Variants in MOB3B observed in about 807,000 individuals in gnomAD.
The protein encoded by MOB3B is MOB kinase activator 3B.
Under a neutral mutation model 18.7 loss-of-function variants are expected in MOB3B, and 7 were observed. The ratio of observed to expected loss-of-function variants is 0.37; its 90% confidence interval spans 0.21 to 0.70. The LOEUF (loss-of-function observed/expected upper bound fraction) is 0.70, where lower values mean the gene tolerates loss of function less well. Ranked by LOEUF, MOB3B falls within the 30% of genes least tolerant of loss-of-function variation. The pLI, the probability that MOB3B is intolerant of heterozygous loss-of-function variation, is 0.52. For missense variants in MOB3B, 253 were observed against 281.3 expected, an observed-to-expected ratio of 0.90 and a Z score of 0.72; for synonymous variants, 111 against 99.9, an observed-to-expected ratio of 1.11 and a Z score of -0.66.
chr9:27,326,709 C>A lies in MOB3B; in HGVS notation c.*3878G>T, dbSNP rs1174138968. On this transcript the variant is annotated 3_prime_UTR_variant, in exon 4 of 4. Coordinates refer to ENST00000262244, the MANE Select transcript of MOB3B (RefSeq NM_024761.5). ...CTGGGTCTTTGGAAATGAGAAAATA[C>A]CCAGGGAAGAGAAAACGAACAATTT... 1 of 397,164 alleles carries A rather than the reference C, an allele frequency of 2.5e-6. No individual in the cohort carries two copies. Among genetic ancestry groups the A allele is most frequent in the African/African-American group, 2.1e-5 (1 of 48,572 alleles). The allele number at this position is 397,164 out of a possible 1,614,324, so 24.6% of individuals were successfully genotyped here.
At chr9:27,369,701 C>G (rs527658674) in intron 2 of MOB3B, among the ~76,000 whole-genome samples, 1 of 152,346 alleles carries the variant, frequency 6.6e-6, no homozygotes, top group African/African-American at 2.4e-5. Flanking sequence ...AGCTACGATC[C>G]TCTTTCTCAC....
chr9:27,468,052 G>C (rs923687133), intron 1 of MOB3B, among the ~76,000 whole-genome samples: 1 of 152,182 alleles, frequency 6.6e-6, no homozygotes. Flanking sequence ...TGTTAGCAGA[G>C]ACTCTTCGTG....
intron 3 of MOB3B, among the ~76,000 whole-genome samples, chr9:27,338,718 C>T (rs1031321004): frequency 5.9e-5 from 9 of 152,206 alleles, no homozygotes; most frequent in African/African-American, 7.2e-5. Flanking sequence ...GTGTCGCTGT[C>T]GGGACCACAG....
chr9:27,450,654 C>G (rs1822769439), intron 2 of MOB3B, among the ~76,000 whole-genome samples: 1 of 152,166 alleles, frequency 6.6e-6, no homozygotes, highest in Non-Finnish European at 1.5e-5. Context: ...GAAGGGGAAT[C>G]TGTGAAATAA....
chr9:27,470,500 G>C (rs369379884), intron 1 of MOB3B, among the ~76,000 whole-genome samples: 1 of 152,118 alleles, frequency 6.6e-6, no homozygotes, highest in Non-Finnish European at 1.5e-5. Context: ...GCCTCCAGGC[G>C]ACTTCTCCCT....
intron 1 of MOB3B, among the ~76,000 whole-genome samples, chr9:27,479,101 A>G (rs1201600113): frequency 6.6e-6 from 1 of 152,170 alleles, no homozygotes; most frequent in East Asian, 1.9e-4. Context: ...CGCTGCTATA[A>G]CAGAATAACA....
At chr9:27,529,511 C>G (rs980234591) in intron 1 of MOB3B, 44 bp downstream of exon 1, 1 of 976,686 alleles carries the variant, frequency 1.0e-6, no homozygotes, top group South Asian at 4.7e-5. Flanking sequence ...GAGCAGCCAC[C>G]GGGCTGCGCC....
Position 27,427,686 on chromosome 9 carries a change from C to A in MOB3B, c.418+27447G>T, listed in dbSNP as rs116718257. ...ATAAAGATTCTATTCATATTTTTTG[C>A]CTTGTCTTTGATCTAGTTGGAATCT... is the stretch of plus-strand genomic sequence containing the variant. On this transcript the variant is annotated intron_variant, in intron 2 of 3. Transcript: ENST00000262244. Among the ~76,000 whole-genome samples the A allele has an allele frequency of 1.6e-3, 236 of 152,054 alleles. 2 individuals are homozygous for A. The highest frequency in any genetic ancestry group is 5.4e-3 in the African/African-American group (223 of 41,474).
chr9:27,446,215 T>C (rs1340277063), intron 2 of MOB3B, among the ~76,000 whole-genome samples: 1 of 135,126 alleles, frequency 7.4e-6, no homozygotes, highest in African/African-American at 2.9e-5. Flanking sequence ...TTCAACTGCC[T>C]CCCAATTTTT....
chr9:27,345,571 G>A (rs747925986), intron 3 of MOB3B, among the ~76,000 whole-genome samples: 1 of 152,100 alleles, frequency 6.6e-6, no homozygotes, highest in Non-Finnish European at 1.5e-5. Flanking sequence ...TGCCCCCACA[G>A]CTTCCTATTT....
intron 1 of MOB3B, among the ~76,000 whole-genome samples, chr9:27,501,398 A>G (rs1819989323): frequency 1.3e-5 from 2 of 152,144 alleles, no homozygotes; most frequent in African/African-American, 4.8e-5. Context: ...TGGCACATAC[A>G]TACCATGGAA....
chr9:27,507,858 T>C (rs970082760), intron 1 of MOB3B, among the ~76,000 whole-genome samples: 1 of 152,260 alleles, frequency 6.6e-6, no homozygotes, highest in African/African-American at 2.4e-5. Context: ...CTTTCATCTC[T>C]GAAGTGATTC....
intron 2 of MOB3B, among the ~76,000 whole-genome samples, chr9:27,394,815 A>G (rs1821777360): frequency 6.6e-6 from 1 of 152,254 alleles, no homozygotes; most frequent in African/African-American, 2.4e-5. Context: ...AAAAATTAGT[A>G]AAACATAGAA....
Position 27,330,465 on chromosome 9 carries a change from G to A in MOB3B, c.*122C>T, listed in dbSNP as rs1820770127. The stretch of plus-strand genomic sequence containing the variant: ...GAATGTCTCTCAGGAGTCACTGCTT[G>A]CCTCCACCTCTGCTGTTCCTGGGAG... On this transcript the variant is annotated 3_prime_UTR_variant, in exon 4 of 4. Coordinates refer to ENST00000262244, the MANE Select transcript of MOB3B (RefSeq NM_024761.5). 7.7e-7 allele frequency: 1 copy of A among 1,300,226 alleles called. No individual in the cohort carries two copies. Among genetic ancestry groups the A allele is most frequent in the Non-Finnish European group, 1.1e-6 (1 of 938,494 alleles). The allele number at this position is 1,300,226 out of a possible 1,614,324, so 80.5% of individuals were successfully genotyped here.
chr9:27,493,962 C>T (rs1042195795), intron 1 of MOB3B, among the ~76,000 whole-genome samples: 8 of 152,102 alleles, frequency 5.3e-5, no homozygotes, highest in African/African-American at 1.4e-4. Context: ...GGAGAAATAT[C>T]GCTGAATTAT....
intron 1 of MOB3B, among the ~76,000 whole-genome samples, chr9:27,481,498 TTTTTTTTTTTTTGTTTTTTTTG>T (rs1373152655): frequency 1.5e-5 from 1 of 64,720 alleles, no homozygotes; most frequent in Admixed American, 2.1e-4. Flanking sequence ...AGGAAGGTAG[TTTTTTTTTTTTTGTTTTTTTTG>T]TTTTTTTTTT....
intron 3 of MOB3B, among the ~76,000 whole-genome samples, chr9:27,334,692 T>A (rs10967897): frequency 0.32 from 49,251 of 152,172 alleles, 8,397 homozygotes; most frequent in East Asian, 0.45. Context: ...TAGGGAATAA[T>A]GATCCAGAGA....
At chr9:27,404,342 T>TAAA (rs1821933944) in intron 2 of MOB3B, among the ~76,000 whole-genome samples, 1 of 145,746 alleles carries the variant, frequency 6.9e-6, no homozygotes, top group African/African-American at 2.6e-5. Flanking sequence ...TTTCCTTCTT[T>TAAA]CTTTCTTTTT....
At chr9:27,338,092 C>T (rs1474970635) in intron 3 of MOB3B, among the ~76,000 whole-genome samples, 1 of 152,172 alleles carries the variant, frequency 6.6e-6, no homozygotes, top group Non-Finnish European at 1.5e-5. Context: ...AACTGTTTTC[C>T]TGCATCTCCA....
Sources: allele counts gnomAD v4.1 joint callset (sites outside exome capture counted in the v4.1 genomes callset), GRCh38; gene constraint gnomAD v4.1.1; transcripts MANE v1.5; gene names NCBI Gene and HGNC (gene_info 2026-07-23, HGNC 2026-07-21).